ACY1: variants seen among roughly 807,000 people sequenced by gnomAD.
ACY1 encodes the protein aminoacylase 1, also known as aminoacylase-1.
A neutral mutation model predicts 53.3 loss-of-function variants in ACY1; 38 were observed. The observed-to-expected ratio is 0.71, with a 90% CI of 0.55 to 0.93. The LOEUF (loss-of-function observed/expected upper bound fraction) is 0.93. ACY1 is among the 40% of genes least tolerant of loss of function. The pLI is 0.00. For synonymous variants in ACY1, 177 were observed against 202.1 expected, an observed-to-expected ratio of 0.88 and a Z score of 1.05; for missense variants, 484 against 540.9, an observed-to-expected ratio of 0.89 and a Z score of 1.04.
rs750408037 is a variant in ACY1, at chr3:51,985,869, C to T, written c.282C>T (p.Asp94=). Residue 94 remains aspartate, a synonymous_variant, in exon 5 of 15, where the codon GAC becomes GAT. Transcript: ENST00000636358. ...VPVFKEHWSH[D]PFEAFKDSEG... ...GCCCCCAGGAACATTGGAGTCACGACCCCTTTGAGGCCTTCAAGGATTCTG... is the reference window on the plus strand; with the variant it reads ...GCCCCCAGGAACATTGGAGTCACGATCCCTTTGAGGCCTTCAAGGATTCTG... The T allele has an allele frequency of 6.2e-7, 1 of 1,613,698 alleles. No individual in the cohort carries two copies. Among genetic ancestry groups the T allele is most frequent in the South Asian group, 1.1e-5 (1 of 90,896 alleles).
intron 7 of ACY1, 25 bp downstream of exon 7, chr3:51,986,529 G>C (rs757035121): frequency 6.8e-6 from 11 of 1,614,008 alleles, no homozygotes; most frequent in Non-Finnish European, 9.3e-6. Context: ...AAGCCAATGA[G>C]CAGCCAGGCA....
chr3:51,984,259 T>A, intron 2 of ACY1, 101 bp downstream of exon 2: 1 of 1,119,820 alleles, frequency 8.9e-7, no homozygotes, highest in Non-Finnish European at 1.3e-6. Flanking sequence ...AGCCCCACTC[T>A]GCTGTCCCAA....
intron 2 of ACY1, chr3:51,984,763 C>T (rs1035779616): frequency 1.2e-5 from 3 of 247,798 alleles, no homozygotes; most frequent in Admixed American, 1.1e-4. Flanking sequence ...TGCAGTGAGC[C>T]GAGATCGCAC....
chr3:51,985,188 A>G lies in ACY1; in HGVS notation c.95-19A>G. The stretch of plus-strand genomic sequence containing the variant: ...CTGTGGGTAGGCAGAAGCAGCCCCA[A>G]GACACTCTGTGCCTCCAGGAGCTGC... On this transcript the variant is annotated intron_variant, in intron 2 of 14. Coordinates refer to ENST00000636358, the MANE Select transcript of ACY1 (RefSeq NM_000666.3). 6.3e-7 allele frequency: 1 copy of G among 1,597,426 alleles called. No individual in the cohort carries two copies. The highest frequency in any genetic ancestry group is 1.1e-5 in the South Asian group (1 of 88,758).
At chr3:51,988,683 T>C in intron 13 of ACY1, 80 bp downstream of exon 13, 1 of 1,546,302 alleles carries the variant, frequency 6.5e-7, no homozygotes, top group Non-Finnish European at 8.9e-7. Context: ...TCTCCCTCCT[T>C]CTCCCACCTC....
chr3:51,984,041 C>T lies in ACY1; in HGVS notation c.-18-6C>T. The stretch of plus-strand genomic sequence containing the variant: ...AGGGGTAGTTAGCCATTCACTTTGC[C>T]CCCAGCTCACCACGCGCAGCGCCAT... On this transcript the variant is annotated splice_polypyrimidine_tract_variant and splice_region_variant and intron_variant, in intron 1 of 14. Coordinates refer to ENST00000636358, the MANE Select transcript of ACY1 (RefSeq NM_000666.3). 1 of 1,608,832 alleles carries T rather than the reference C, an allele frequency of 6.2e-7. No homozygotes were observed. The highest frequency in any genetic ancestry group is 8.5e-7 in the Non-Finnish European group (1 of 1,176,574).
Position 51,988,597 on chromosome 3 carries a change from A to G in ACY1, c.995A>G (p.Lys332Arg), listed in dbSNP as rs1420233899. Reference protein sequence around the residue: ...PWWAAFSRVCKDMNLTLEPEI... With the variant: ...PWWAAFSRVCRDMNLTLEPEI... ...TGGGCAGCTTTTAGCCGGGTCTGCA[A>G]GGATATGTGAGCACGCTGGCCAGCT... Residue 332 changes from lysine (K) to arginine (R), a missense_variant, in exon 13 of 15, where the codon AAG (lysine) becomes AGG (arginine). By Grantham distance (26) the Lys-to-Arg change is conservative. Coordinates refer to ENST00000636358, the MANE Select transcript of ACY1 (RefSeq NM_000666.3). 1.2e-6 allele frequency: 2 copies of G among 1,614,146 alleles called. No homozygotes were observed. Among genetic ancestry groups the G allele is most frequent in the South Asian group, 1.1e-5 (1 of 91,088 alleles).
chr3:51,986,219 G>C, intron 5 of ACY1, 36 bp from the exon 6 acceptor site: 1 of 1,609,184 alleles, frequency 6.2e-7, no homozygotes. Context: ...CTGCGCATCT[G>C]GTGGCTCCCC....
In ACY1 at chr3:51,988,948, G is replaced by A. The variant is rs201647575; in HGVS notation, c.1100G>A (p.Arg367His). The A allele has an allele frequency of 1.4e-4, 225 of 1,614,142 alleles. No homozygotes were observed. The Admixed American group carries it at 3.6e-3, about 26-fold the overall frequency. The change falls in exon 15 of 15, where the codon CGC becomes CAC. Residue 367 changes from arginine (R) to histidine (H), a missense_variant. By Grantham distance (29) the Arg-to-His change is conservative (BLOSUM62 0). Coordinates refer to ENST00000636358, the MANE Select transcript of ACY1 (RefSeq NM_000666.3). Reference protein sequence around the residue: ...VPALGFSPMNRTPVLLHDHDE... With the variant: ...VPALGFSPMNHTPVLLHDHDE... ...GCTCTAGGCTTCTCACCCATGAACC[G>A]CACACCTGTGCTGCTGCACGACCAC...
chr3:51,986,051 G>A (rs1701044362), intron 5 of ACY1, 105 bp downstream of exon 5: 11 of 1,211,026 alleles, frequency 9.1e-6, no homozygotes, highest in South Asian at 5.2e-5. Flanking sequence ...AAGGAACACC[G>A]TGACCTCTTG....
intron 2 of ACY1, 92 bp from the exon 3 acceptor site, chr3:51,985,115 C>A: frequency 1.6e-6 from 2 of 1,290,286 alleles, no homozygotes; most frequent in South Asian, 1.3e-5. Flanking sequence ...GGCAGCAGCC[C>A]ATTTCTGGGT....
intron 5 of ACY1, 66 bp downstream of exon 5, chr3:51,986,012 T>C (rs1404872132): frequency 2.7e-6 from 4 of 1,468,596 alleles, no homozygotes; most frequent in East Asian, 4.8e-5. Flanking sequence ...AAGCAGGACC[T>C]GAGGGGGTGA....
intron 2 of ACY1, 52 bp downstream of exon 2, chr3:51,984,210 T>G: frequency 6.4e-7 from 1 of 1,565,758 alleles, no homozygotes; most frequent in African/African-American, 1.3e-5. Flanking sequence ...GGACGGGGAC[T>G]GTGCTCTAAA....
intron 5 of ACY1, 40 bp downstream of exon 5, chr3:51,985,986 C>T (rs760666591): frequency 6.4e-7 from 1 of 1,568,842 alleles, no homozygotes; most frequent in South Asian, 1.1e-5. Context: ...AATGTCCCCA[C>T]TGGTCCAGTG....
rs1456510805 is a variant in ACY1, at chr3:51,986,979, C to T, written c.584-9C>T. 2 of 1,611,988 alleles carry T rather than the reference C, an allele frequency of 1.2e-6. No individual in the cohort carries two copies. Among genetic ancestry groups the T allele is most frequent in the East Asian group, 4.5e-5 (2 of 44,878 alleles). Reference sequence around the variant, plus strand: ...CTGAAGACACTGCCTTCCCCCTACACCTCCCCAGGGGTGCGGGTTACCAGC... The same window carrying T: ...CTGAAGACACTGCCTTCCCCCTACATCTCCCCAGGGGTGCGGGTTACCAGC... On this transcript the variant is annotated splice_polypyrimidine_tract_variant and intron_variant, in intron 8 of 14. Coordinates refer to ENST00000636358, the MANE Select transcript of ACY1 (RefSeq NM_000666.3).
chr3:51,986,688 C>T lies in ACY1; in HGVS notation c.583+27C>T, dbSNP rs771263961. 5 of 1,612,382 alleles carry T rather than the reference C, an allele frequency of 3.1e-6. No homozygotes were observed. The Admixed American group carries it at 8.3e-5, about 27-fold the overall frequency. On this transcript the variant is annotated intron_variant, in intron 8 of 14. Transcript: ENST00000636358. Reference sequence around the variant, plus strand: ...TAAGTATGAGCTTGGAGGGAGGGCTCACTCTACAGGCGGGAGGCTAGGCCA... The same window carrying T: ...TAAGTATGAGCTTGGAGGGAGGGCTTACTCTACAGGCGGGAGGCTAGGCCA...
Position 51,985,921 on chromosome 3 carries a change from C to G in ACY1, c.334C>G (p.Gln112Glu). The change falls in exon 5 of 15, where the codon CAG becomes GAG. Residue 112 changes from glutamine to glutamate, a missense_variant. Coordinates refer to ENST00000636358, the MANE Select transcript of ACY1 (RefSeq NM_000666.3). ...GGGCTACATCTATGCCAGGGGTGCC[C>G]AGGACATGAAGTGCGTCAGCATCCA... ...SEGYIYARGA[Q>E]DMKCVSIQYL... 6.2e-7 allele frequency: 1 copy of G among 1,612,890 alleles called. No individual in the cohort carries two copies. Among genetic ancestry groups the G allele is most frequent in the South Asian group, 1.1e-5 (1 of 90,674 alleles).
chr3:51,988,302 G>A (rs1701145840), intron 12 of ACY1: 2 of 625,868 alleles, frequency 3.2e-6, no homozygotes, highest in Non-Finnish European at 5.8e-6. Context: ...AGGATCTGAA[G>A]GATGGACAGG....
intron 7 of ACY1, 25 bp downstream of exon 7, chr3:51,986,529 G>A: frequency 6.2e-7 from 1 of 1,614,126 alleles, no homozygotes; most frequent in Non-Finnish European, 8.5e-7. Context: ...AAGCCAATGA[G>A]CAGCCAGGCA....
Sources: allele counts gnomAD v4.1 joint callset, GRCh38; gene constraint gnomAD v4.1.1; transcripts MANE v1.5; gene names NCBI Gene and HGNC (gene_info 2026-07-23, HGNC 2026-07-21).